GNAL: variants seen among roughly 807,000 people sequenced by gnomAD.
GNAL encodes the protein guanine nucleotide-binding protein G(olf) subunit alpha.
Under a neutral mutation model 55.1 loss-of-function variants are expected in GNAL, and 18 were observed. That is an observed-to-expected ratio of 0.33 (90% CI 0.23 to 0.48). The LOEUF (loss-of-function observed/expected upper bound fraction) is 0.48. GNAL is among the 20% of genes least tolerant of loss of function. The pLI is 0.99. For synonymous variants in GNAL, 253 were observed against 237.0 expected (o/e 1.07, Z -0.62); for missense variants, 412 against 614.1 (o/e 0.67, Z 3.48).
intron 5 of GNAL, among the ~76,000 whole-genome samples, chr18:11,840,205 A>G (rs1024645754): frequency 6.6e-6 from 1 of 152,198 alleles, no homozygotes; most frequent in Non-Finnish European, 1.5e-5. Context: ...GGATGCTCGT[A>G]TTTCTCATTC....
At chr18:11,759,570 G>C (rs1280571030) in intron 4 of GNAL, among the ~76,000 whole-genome samples, 1 of 152,260 alleles carries the variant, frequency 6.6e-6, no homozygotes, top group East Asian at 1.9e-4. Context: ...GCTAACGTCT[G>C]AGTGTTCGGT....
chr18:11,725,378 G>A (rs2032189807), intron 1 of GNAL, among the ~76,000 whole-genome samples: 1 of 152,180 alleles, frequency 6.6e-6, no homozygotes, highest in African/African-American at 2.4e-5. Flanking sequence ...AGAGACCTCA[G>A]AAGAGACTAA....
At chr18:11,822,901 A>G (rs2035143332) in intron 4 of GNAL, among the ~76,000 whole-genome samples, 1 of 146,352 alleles carries the variant, frequency 6.8e-6, no homozygotes, top group Non-Finnish European at 1.5e-5. Context: ...GAAACCTATT[A>G]TAGTGAATAA....
At chr18:11,859,132 C>A (rs1232484930) in intron 5 of GNAL, among the ~76,000 whole-genome samples, 1 of 152,176 alleles carries the variant, frequency 6.6e-6, no homozygotes. Context: ...TAGCCACAGG[C>A]TTCATATTTA....
intron 9 of GNAL, among the ~76,000 whole-genome samples, chr18:11,869,416 T>TAAA (rs2036342619): frequency 6.6e-6 from 1 of 152,122 alleles, no homozygotes; most frequent in Non-Finnish European, 1.5e-5. Flanking sequence ...GTGCTGGGAT[T>TAAA]ACAGGCGTGA....
At position 11,884,771 on chromosome 18, in the gene GNAL, G is replaced by C. The variant is rs2036933470; in HGVS notation, c.*3636G>C. On this transcript the variant is annotated 3_prime_UTR_variant, in exon 12 of 12. Transcript: ENST00000334049. ...GGGCCCTCCTCACCTGAGACCAAGG[G>C]GGCCCAGCCTTCTCCCTGCACAGCT... is the stretch of plus-strand genomic sequence containing the variant. The C allele has an allele frequency of 1.5e-6, 2 of 1,330,670 alleles. No homozygotes were observed. The highest frequency in any genetic ancestry group is 2.0e-6 in the Non-Finnish European group (2 of 1,000,030). The allele number at this position is 1,330,670 out of a possible 1,614,324, so 82.4% of individuals were successfully genotyped here.
At chr18:11,795,358 A>G (rs1236340591) in intron 4 of GNAL, among the ~76,000 whole-genome samples, 1 of 147,544 alleles carries the variant, frequency 6.8e-6, no homozygotes, top group South Asian at 2.2e-4. Flanking sequence ...CTCACTACAC[A>G]CCAGCCTGGG....
chr18:11,839,443 CTTGA>C (rs1377002950), intron 5 of GNAL, among the ~76,000 whole-genome samples: 1 of 146,992 alleles, frequency 6.8e-6, no homozygotes, highest in East Asian at 2.0e-4. Flanking sequence ...GTCCCAGCTC[CTTGA>C]TATGGTGAAA....
chr18:11,739,611 G>A (rs2032532705), intron 1 of GNAL, among the ~76,000 whole-genome samples: 1 of 151,814 alleles, frequency 6.6e-6, no homozygotes, highest in Non-Finnish European at 1.5e-5. Flanking sequence ...TATGACATTG[G>A]CATTAGTGAA....
rs529129077 is a variant in GNAL, at chr18:11,861,854, C to T, written c.723-541C>T. On this transcript the variant is annotated intron_variant, in intron 5 of 11. Transcript: ENST00000334049. ...ACACTCACGTTCTCGCTCTCGCACA[C>T]TTTCCGCACATACTCTCACACTCAC... 3.7e-4 allele frequency among the ~76,000 whole-genome samples: 56 copies of T among 152,260 alleles called. 1 individual carries two copies. The highest frequency in any genetic ancestry group is 1.3e-3 in the African/African-American group (54 of 41,562).
chr18:11,799,135 G>T (rs796306775), intron 4 of GNAL, among the ~76,000 whole-genome samples: 1 of 151,320 alleles, frequency 6.6e-6, no homozygotes, highest in East Asian at 1.9e-4. Context: ...AAAGTTAAAT[G>T]AACACACCTT....
intron 4 of GNAL, among the ~76,000 whole-genome samples, chr18:11,771,799 C>A (rs1251355543): frequency 2.6e-5 from 4 of 152,176 alleles, no homozygotes; most frequent in African/African-American, 9.7e-5. Flanking sequence ...ACTGCAACCT[C>A]CTCCTTCTGG....
chr18:11,877,770 G>A (rs759575386), intron 11 of GNAL, among the ~76,000 whole-genome samples: 8 of 152,116 alleles, frequency 5.3e-5, no homozygotes, highest in African/African-American at 9.7e-5. Flanking sequence ...CCCTTTTCCC[G>A]GCACACCCCT....
intron 4 of GNAL, among the ~76,000 whole-genome samples, chr18:11,813,237 A>G (rs1484672828): frequency 4.9e-5 from 7 of 142,508 alleles, no homozygotes; most frequent in Non-Finnish European, 1.1e-4. Context: ...CTCTGGCGAC[A>G]GGGTGAGACT....
chr18:11,695,041 A>G (rs1019697491), intron 1 of GNAL, among the ~76,000 whole-genome samples: 11 of 152,070 alleles, frequency 7.2e-5, no homozygotes, highest in African/African-American at 2.7e-4. Flanking sequence ...ATGTCCAAAT[A>G]CAGTCATGTG....
At chr18:11,825,156 A>G (rs982744077) in intron 5 of GNAL, 141 bp downstream of exon 5, 1 of 606,314 alleles carries the variant, frequency 1.6e-6, no homozygotes, top group Non-Finnish European at 2.9e-6. Context: ...AACTTTTAAA[A>G]TGAGACATGT....
intron 4 of GNAL, among the ~76,000 whole-genome samples, chr18:11,817,978 G>C (rs995494114): frequency 6.6e-6 from 1 of 150,888 alleles, no homozygotes; most frequent in East Asian, 2.0e-4. Context: ...CCTCATGCCT[G>C]TAATCCCAGC....
intron 4 of GNAL, among the ~76,000 whole-genome samples, chr18:11,786,911 C>G (rs1043297246): frequency 1.4e-4 from 22 of 151,912 alleles, no homozygotes; most frequent in Admixed American, 2.6e-4. Context: ...GGGTCTGGCC[C>G]TGGGAGGTGG....
At chr18:11,828,433 A>G (rs73944916) in intron 5 of GNAL, among the ~76,000 whole-genome samples, 2,081 of 152,272 alleles carry the variant, frequency 0.014, 49 homozygotes, top group African/African-American at 0.047. Flanking sequence ...GAATTATGTT[A>G]AACTCACGTG....
Sources: gnomAD v4.1 joint callset for allele counts (sites outside exome capture counted in the v4.1 genomes callset) on GRCh38, gnomAD v4.1.1 for gene constraint, MANE v1.5 for transcripts, NCBI Gene and HGNC (gene_info 2026-07-23, HGNC 2026-07-21) for gene names.